The following ATP2B2 variants were observed in gnomAD, a reference collection of about 807,000 sequenced individuals.
ATP2B2 encodes ATPase plasma membrane Ca2+ transporting 2.
ATP2B2 carries 15 observed loss-of-function variants against 120.0 expected under a neutral mutation model. The ratio of observed to expected loss-of-function variants is 0.12; its 90% CI spans 0.08 to 0.19. The LOEUF (loss-of-function observed/expected upper bound fraction) is 0.19, where lower values mean the gene tolerates loss of function less well. Ranked by LOEUF, ATP2B2 falls within the 10% of genes least tolerant of loss-of-function variation. The probability of loss-of-function intolerance (pLI) is 1.00; values close to 1 mark genes in which losing one functional copy is unlikely to be tolerated. For synonymous variants in ATP2B2, 694 were observed against 700.3 expected (o/e 0.99, Z 0.14); for missense variants, 1,045 against 1,719.8 (o/e 0.61, Z 6.94).
intron 1 of ATP2B2, among the ~76,000 whole-genome samples, chr3:10,641,535 T>C (rs2070171515): frequency 6.6e-6 from 1 of 152,254 alleles, no homozygotes; most frequent in African/African-American, 2.4e-5. Context: ...TTCTAGTTGT[T>C]ACTGTTGTTT....
intron 1 of ATP2B2, among the ~76,000 whole-genome samples, chr3:10,651,517 T>C (rs2070462125): frequency 6.6e-6 from 1 of 152,250 alleles, no homozygotes; most frequent in Non-Finnish European, 1.5e-5. Flanking sequence ...CCCAGCCACA[T>C]GGAACTGTAA....
intron 16 of ATP2B2, among the ~76,000 whole-genome samples, chr3:10,348,381 G>GGTAA (rs1244238230): frequency 6.6e-6 from 1 of 152,182 alleles, no homozygotes; most frequent in African/African-American, 2.4e-5. Context: ...TGCACTGCAG[G>GGTAA]GTAAGTTTTC....
At chr3:10,647,857 G>T (rs2070361087) in intron 1 of ATP2B2, among the ~76,000 whole-genome samples, 1 of 152,182 alleles carries the variant, frequency 6.6e-6, no homozygotes, top group Admixed American at 6.5e-5. Context: ...GTGCACAAAA[G>T]AACTCTTCTC....
intron 1 of ATP2B2, among the ~76,000 whole-genome samples, chr3:10,457,293 T>C (rs1256292891): frequency 6.6e-6 from 1 of 151,912 alleles, no homozygotes; most frequent in African/African-American, 2.4e-5. Context: ...CTAGTATAGA[T>C]ATGCAAGATG....
intron 1 of ATP2B2, among the ~76,000 whole-genome samples, chr3:10,459,782 A>G (rs2064409892): frequency 6.6e-6 from 1 of 152,246 alleles, no homozygotes; most frequent in African/African-American, 2.4e-5. Flanking sequence ...TTAATCCTTC[A>G]CAACGATGCT....
chr3:10,617,603 T>C (rs1340898787), intron 2 of ATP2B2, among the ~76,000 whole-genome samples: 3 of 152,208 alleles, frequency 2.0e-5, no homozygotes, highest in African/African-American at 7.2e-5. Context: ...CATGCATAGC[T>C]TGAGAAGGAA....
At chr3:10,494,718 T>C (rs965289931) in intron 1 of ATP2B2, among the ~76,000 whole-genome samples, 1 of 152,200 alleles carries the variant, frequency 6.6e-6, no homozygotes, top group African/African-American at 2.4e-5. Context: ...TGAGAATCTG[T>C]GCAGTGTAAT....
chr3:10,358,295 AC>A, intron 14 of ATP2B2, among the ~76,000 whole-genome samples: 1 of 152,172 alleles, frequency 6.6e-6, no homozygotes, highest in East Asian at 1.9e-4. Context: ...CTTTGTAGGG[AC>A]CCTGGAATCC....
At chr3:10,657,885 C>T (rs1340053030) in intron 1 of ATP2B2, among the ~76,000 whole-genome samples, 1 of 152,228 alleles carries the variant, frequency 6.6e-6, no homozygotes, top group Non-Finnish European at 1.5e-5. Flanking sequence ...GCTGGGTACC[C>T]CTCTGAGATG....
intron 1 of ATP2B2, among the ~76,000 whole-genome samples, chr3:10,671,605 C>T (rs1296346664): frequency 4.6e-5 from 7 of 152,118 alleles, no homozygotes; most frequent in African/African-American, 1.2e-4. Flanking sequence ...TACTGCAGGT[C>T]AGAGGCCTGC....
At chr3:10,414,198 T>C (rs780594858) in intron 2 of ATP2B2, among the ~76,000 whole-genome samples, 3 of 152,202 alleles carry the variant, frequency 2.0e-5, no homozygotes, top group Non-Finnish European at 4.4e-5. Context: ...CCCTGCCTGA[T>C]TGATTCCAAG....
intron 1 of ATP2B2, among the ~76,000 whole-genome samples, chr3:10,469,941 C>A (rs938247386): frequency 3.9e-5 from 6 of 152,054 alleles, no homozygotes; most frequent in Non-Finnish European, 8.8e-5. Context: ...TCACACCAAG[C>A]TCAGATTTCA....
chr3:10,438,072 G>A (rs767238619), intron 2 of ATP2B2, among the ~76,000 whole-genome samples: 35 of 152,132 alleles, frequency 2.3e-4, no homozygotes, highest in Non-Finnish European at 3.8e-4. Flanking sequence ...AGAGCAGGGA[G>A]GGGGGTGGCG....
chr3:10,410,522 G>C, intron 3 of ATP2B2, 96 bp downstream of exon 3: 1 of 1,427,062 alleles, frequency 7.0e-7, no homozygotes, highest in African/African-American at 1.4e-5. Flanking sequence ...CTTCCCCTGG[G>C]AGGAGAGGAT....
At position 10,446,376 on chromosome 3, in the gene ATP2B2, G is replaced by C. The variant is rs553578571; in HGVS notation, c.199+2969C>G. Among the ~76,000 whole-genome samples the C allele has an allele frequency of 2.0e-5, 3 of 152,280 alleles. No homozygotes were observed. In the South Asian group the frequency reaches 6.2e-4, roughly 32 times the overall value. On this transcript the variant is annotated intron_variant, in intron 2 of 22. Transcript: ENST00000360273. ...CCTATTTTATTGATGGGGAAATGGA[G>C]GTGTTTAGTTGCTGGGGCTGAATCC...
chr3:10,434,355 G>T (rs539010613), intron 2 of ATP2B2, among the ~76,000 whole-genome samples: 2 of 152,306 alleles, frequency 1.3e-5, no homozygotes, highest in Admixed American at 1.3e-4. Flanking sequence ...CTGCAACAGG[G>T]TATGGCTGGA....
At chr3:10,610,076 TACACACACAC>T (rs34843797) in intron 2 of ATP2B2, among the ~76,000 whole-genome samples, 67 of 146,690 alleles carry the variant, frequency 4.6e-4, no homozygotes, top group African/African-American at 1.3e-3. Context: ...TATACACACA[TACACACACAC>T]ACACACACAC....
intron 3 of ATP2B2, among the ~76,000 whole-genome samples, chr3:10,517,797 T>C (rs911905874): frequency 3.3e-5 from 5 of 152,228 alleles, no homozygotes; most frequent in Non-Finnish European, 5.9e-5. Flanking sequence ...GGGTGTCACG[T>C]CCTGGGCCTG....
intron 1 of ATP2B2, among the ~76,000 whole-genome samples, chr3:10,621,620 C>T (rs565796437): frequency 6.6e-6 from 1 of 152,330 alleles, no homozygotes; most frequent in Non-Finnish European, 1.5e-5. Context: ...AGGCTGCGGC[C>T]ATGTCAGGAG....
Sources: allele counts gnomAD v4.1 joint callset (sites outside exome capture counted in the v4.1 genomes callset), GRCh38; gene constraint gnomAD v4.1.1; transcripts MANE v1.5; gene names NCBI Gene and HGNC (gene_info 2026-07-23, HGNC 2026-07-21).